Variants in CNTNAP5 observed in about 807,000 individuals in gnomAD.
The protein encoded by CNTNAP5 is contactin associated protein family member 5, also known as contactin-associated protein-like 5.
CNTNAP5 carries 72 observed loss-of-function variants against 150.2 expected under a neutral mutation model. The ratio of observed to expected loss-of-function variants is 0.48; its 90% CI spans 0.40 to 0.58. The LOEUF is 0.58. Among genes scored for constraint, CNTNAP5 ranks in the 20% least tolerant of loss-of-function variants. CNTNAP5 has a pLI of 0.00. For synonymous variants in CNTNAP5, 672 were observed against 619.8 expected (o/e 1.08, Z -1.25); for missense variants, 1,636 against 1,626.2 (o/e 1.01, Z -0.10).
At chr2:124,133,817 C>T (rs1378708702) in intron 1 of CNTNAP5, among the ~76,000 whole-genome samples, 1 of 152,124 alleles carries the variant, frequency 6.6e-6, no homozygotes, top group Admixed American at 6.6e-5. Flanking sequence ...TTTGTGTGTC[C>T]ATGTCCTAGC....
chr2:124,485,612 C>CAAAAAAAAAAAAAA (rs576700912), intron 7 of CNTNAP5, among the ~76,000 whole-genome samples: 2 of 52,392 alleles, frequency 3.8e-5, no homozygotes, highest in African/African-American at 8.5e-5. Flanking sequence ...GACTCTGTCT[C>CAAAAAAAAAAAAAA]AAAAAAAAAA....
chr2:124,894,361 C>G (rs986471799), intron 21 of CNTNAP5, among the ~76,000 whole-genome samples: 3 of 151,106 alleles, frequency 2.0e-5, no homozygotes, highest in Non-Finnish European at 4.4e-5. Flanking sequence ...TATGCAGTAC[C>G]CTTGTCTTGC....
chr2:124,898,047 G>T (rs1321714897), intron 21 of CNTNAP5, among the ~76,000 whole-genome samples: 1 of 148,968 alleles, frequency 6.7e-6, no homozygotes, highest in Non-Finnish European at 1.5e-5. Context: ...TTGGATTTTG[G>T]GTCCTCCTTG....
chr2:124,066,867 C>T (rs1172416348), intron 1 of CNTNAP5, among the ~76,000 whole-genome samples: 1 of 152,072 alleles, frequency 6.6e-6, no homozygotes, highest in Non-Finnish European at 1.5e-5. Flanking sequence ...CAACATAGCT[C>T]CATGTCAGTA....
At chr2:124,572,663 G>T (rs980846109) in intron 11 of CNTNAP5, among the ~76,000 whole-genome samples, 2 of 152,170 alleles carry the variant, frequency 1.3e-5, no homozygotes, top group African/African-American at 2.4e-5. Flanking sequence ...ATGGACATTT[G>T]TTGAGCCCTA....
intron 3 of CNTNAP5, among the ~76,000 whole-genome samples, chr2:124,255,491 T>C (rs1687285358): frequency 6.6e-6 from 1 of 151,088 alleles, no homozygotes; most frequent in Non-Finnish European, 1.5e-5. Flanking sequence ...GCCACGGCAC[T>C]CTAGCCTGGG....
intron 3 of CNTNAP5, among the ~76,000 whole-genome samples, chr2:124,357,129 C>T (rs1199030683): frequency 6.6e-6 from 1 of 151,920 alleles, no homozygotes; most frequent in African/African-American, 2.4e-5. Flanking sequence ...TGTTCATGTC[C>T]TTCGCCCACT....
intron 1 of CNTNAP5, among the ~76,000 whole-genome samples, chr2:124,135,422 T>C (rs1430817267): frequency 6.6e-6 from 1 of 152,212 alleles, no homozygotes; most frequent in Non-Finnish European, 1.5e-5. Context: ...ATAAGGAAGA[T>C]GTAAGCTTGT....
intron 3 of CNTNAP5, among the ~76,000 whole-genome samples, chr2:124,416,059 A>G (rs999416005): frequency 1.3e-5 from 2 of 152,106 alleles, no homozygotes; most frequent in Non-Finnish European, 2.9e-5. Flanking sequence ...TTTTCTCTCT[A>G]ATATGAGTTG....
intron 6 of CNTNAP5, among the ~76,000 whole-genome samples, chr2:124,469,720 T>C (rs963684519): frequency 6.6e-6 from 1 of 152,076 alleles, no homozygotes; most frequent in African/African-American, 2.4e-5. Context: ...TTCCTGATGC[T>C]CTCCCTCCTC....
chr2:124,063,679 A>C (rs1213944), intron 1 of CNTNAP5, among the ~76,000 whole-genome samples: 130,784 of 152,036 alleles, frequency 0.86, 56,376 homozygotes, highest in Non-Finnish European at 0.89. Context: ...GCCCAGAATG[A>C]AAAGAAAAAG....
At chr2:124,351,027 T>A (rs1180075372) in intron 3 of CNTNAP5, among the ~76,000 whole-genome samples, 1 of 152,242 alleles carries the variant, frequency 6.6e-6, no homozygotes, top group Non-Finnish European at 1.5e-5. Context: ...TACACTCTTC[T>A]GTATCATTCT....
chr2:124,116,665 C>A (rs1573765420), intron 1 of CNTNAP5, among the ~76,000 whole-genome samples: 2 of 152,158 alleles, frequency 1.3e-5, no homozygotes. Flanking sequence ...TAGCACAGAT[C>A]TCCTAGAAAT....
chr2:124,118,664 A>G (rs17010876), intron 1 of CNTNAP5, among the ~76,000 whole-genome samples: 32,960 of 152,128 alleles, frequency 0.22, 3,758 homozygotes, highest in South Asian at 0.26. Flanking sequence ...TGCCTGCTAC[A>G]GGACTTGTGG....
chr2:124,172,298 CGT>C (rs1159714865), intron 1 of CNTNAP5, among the ~76,000 whole-genome samples: 1 of 152,044 alleles, frequency 6.6e-6, no homozygotes, highest in Non-Finnish European at 1.5e-5. Context: ...AAAAGTGAGA[CGT>C]GCTCAGTTTA....
At chr2:124,868,873 G>A (rs1373344227) in intron 20 of CNTNAP5, among the ~76,000 whole-genome samples, 2 of 152,082 alleles carry the variant, frequency 1.3e-5, no homozygotes, top group Non-Finnish European at 2.9e-5. Context: ...TCTGGGAATA[G>A]CACCATATGC....
intron 11 of CNTNAP5, among the ~76,000 whole-genome samples, chr2:124,569,255 A>G (rs928280768): frequency 1.3e-5 from 2 of 152,178 alleles, no homozygotes; most frequent in Non-Finnish European, 2.9e-5. Context: ...ACCTTCTCTG[A>G]CATTATTGTT....
intron 19 of CNTNAP5, among the ~76,000 whole-genome samples, chr2:124,805,129 C>T (rs932479027): frequency 6.6e-6 from 1 of 152,068 alleles, no homozygotes; most frequent in Non-Finnish European, 1.5e-5. Flanking sequence ...AGGGACATTA[C>T]CCTGAAGAAG....
At chr2:124,532,289 C>T (rs1187138852) in intron 10 of CNTNAP5, among the ~76,000 whole-genome samples, 1 of 152,206 alleles carries the variant, frequency 6.6e-6, no homozygotes, top group East Asian at 1.9e-4. Flanking sequence ...ATGTCAGATT[C>T]TTTGTAACAT....
Sources: allele counts gnomAD v4.1 joint callset (sites outside exome capture counted in the v4.1 genomes callset), GRCh38; gene constraint gnomAD v4.1.1; transcripts MANE v1.5; gene names NCBI Gene and HGNC (gene_info 2026-07-23, HGNC 2026-07-21).